Variants in LCORL observed in about 807,000 individuals in gnomAD.
LCORL encodes the protein ligand dependent nuclear receptor corepressor like.
LCORL carries 41 observed loss-of-function variants against 141.8 expected under a neutral mutation model. The ratio of observed to expected loss-of-function variants is 0.29; its 90% CI spans 0.23 to 0.38. The LOEUF is 0.38. LCORL is among the 10% of genes least tolerant of loss of function. The pLI is 1.00. For missense variants in LCORL, 1,759 were observed against 2,035.0 expected (o/e 0.86, Z 2.61); for synonymous variants, 618 against 694.1 (o/e 0.89, Z 1.72).
At chr4:17,988,308 T>C (rs1046247664) in intron 1 of LCORL, among the ~76,000 whole-genome samples, 8 of 152,128 alleles carry the variant, frequency 5.3e-5, no homozygotes, top group Non-Finnish European at 1.2e-4. Flanking sequence ...CAGGGTCTCA[T>C]TCTGGAATTC....
intron 4 of LCORL, among the ~76,000 whole-genome samples, chr4:17,914,650 C>G (rs189557364): frequency 6.6e-6 from 1 of 152,236 alleles, no homozygotes; most frequent in African/African-American, 2.4e-5. Context: ...TACAAAAAAG[C>G]AAATAACTGA....
chr4:17,936,252 G>A (rs1456825697), intron 4 of LCORL, among the ~76,000 whole-genome samples: 3 of 151,292 alleles, frequency 2.0e-5, no homozygotes, highest in Non-Finnish European at 4.4e-5. Flanking sequence ...GACTTCTTAA[G>A]GCTTTTTGAA....
At chr4:18,008,478 GGAT>G (rs1164028912) in intron 1 of LCORL, among the ~76,000 whole-genome samples, 2 of 152,192 alleles carry the variant, frequency 1.3e-5, no homozygotes, top group Non-Finnish European at 2.9e-5. Flanking sequence ...TGACCAGAAA[GGAT>G]GAGACTTGCT....
chr4:18,019,028 C>T (rs899372532), intron 1 of LCORL, among the ~76,000 whole-genome samples: 1 of 152,146 alleles, frequency 6.6e-6, no homozygotes, highest in South Asian at 2.1e-4. Flanking sequence ...TCCCAATTCA[C>T]ACTATAAATA....
intron 4 of LCORL, among the ~76,000 whole-genome samples, chr4:17,954,367 T>C (rs1212381561): frequency 1.3e-5 from 2 of 152,108 alleles, no homozygotes; most frequent in African/African-American, 2.4e-5. Context: ...GAAAATAAGG[T>C]TAGCTCATTT....
At chr4:17,982,146 A>C (rs867599501) in intron 1 of LCORL, among the ~76,000 whole-genome samples, 2 of 109,842 alleles carry the variant, frequency 1.8e-5, no homozygotes, top group Non-Finnish European at 3.8e-5. Flanking sequence ...GTGTGTGTGT[A>C]TACAAGATAT....
intron 5 of LCORL, among the ~76,000 whole-genome samples, chr4:17,902,312 T>G (rs1202744079): frequency 6.6e-6 from 1 of 152,116 alleles, no homozygotes; most frequent in Non-Finnish European, 1.5e-5. Flanking sequence ...CTTCTATCCC[T>G]GCAGTCAGAG....
intron 5 of LCORL, among the ~76,000 whole-genome samples, chr4:17,901,678 C>T (rs1415296894): frequency 1.3e-5 from 2 of 151,948 alleles, no homozygotes; most frequent in East Asian, 3.9e-4. Context: ...CCTTTAAAAC[C>T]TTCTAAGGTA....
exon 7 of LCORL, chr4:17,876,442 A>C: frequency 1.6e-6 from 2 of 1,230,744 alleles, no homozygotes; most frequent in Non-Finnish European, 2.0e-6. Flanking sequence ...TTATTCCAGG[A>C]TTTTTTGGCT....
At chr4:17,934,747 C>G (rs1206372857) in intron 4 of LCORL, among the ~76,000 whole-genome samples, 1 of 152,166 alleles carries the variant, frequency 6.6e-6, no homozygotes, top group Non-Finnish European at 1.5e-5. Flanking sequence ...TTCCAATTCA[C>G]ATTTTGACAA....
intron 2 of LCORL, among the ~76,000 whole-genome samples, chr4:17,971,942 C>T (rs1393828664): frequency 6.6e-6 from 1 of 151,584 alleles, no homozygotes; most frequent in East Asian, 1.9e-4. Flanking sequence ...AAAATCAAAG[C>T]AGGTCACGCC....
intron 2 of LCORL, among the ~76,000 whole-genome samples, chr4:17,964,056 C>A (rs1714377315): frequency 6.6e-6 from 1 of 152,004 alleles, no homozygotes; most frequent in Admixed American, 6.6e-5. Context: ...AGCTAGGACT[C>A]CCCTAAATCA....
intron 1 of LCORL, among the ~76,000 whole-genome samples, chr4:18,013,703 T>G (rs1428969122): frequency 6.6e-6 from 1 of 152,218 alleles, no homozygotes; most frequent in Admixed American, 6.5e-5. Context: ...ACGTCCTATG[T>G]GCACACCTTG....
intron 4 of LCORL, among the ~76,000 whole-genome samples, chr4:17,943,650 A>G (rs1470570294): frequency 1.3e-5 from 2 of 152,324 alleles, no homozygotes; most frequent in Non-Finnish European, 2.9e-5. Context: ...AATCAAGGAT[A>G]AAGTAAGTGG....
At position 17,972,889 on chromosome 4, in the gene LCORL, T is replaced by C; in HGVS notation, c.155-4A>G. ...CCTTCTAAAATACTCTCAAAACCTG[T>C]GTTTTTAGAGAGAGAAAAGTATATT... On this transcript the variant is annotated splice_region_variant and splice_polypyrimidine_tract_variant and intron_variant, in intron 1 of 7. Coordinates refer to ENST00000635767, the Ensembl canonical transcript of LCORL. 6.5e-6 allele frequency: 9 copies of C among 1,380,286 alleles called. No individual in the cohort carries two copies. Among genetic ancestry groups the C allele is most frequent in the Non-Finnish European group, 8.6e-6 (9 of 1,050,688 alleles). The allele number at this position is 1,380,286 out of a possible 1,614,324, so 85.5% of individuals were successfully genotyped here. A position where few individuals can be genotyped will look rare whatever the true frequency, so the allele number is the denominator to read the frequency against.
chr4:18,021,565 G>A lies in LCORL; in HGVS notation c.154+33C>T. 1 of 1,500,320 alleles carries A rather than the reference G, an allele frequency of 6.7e-7. No individual in the cohort carries two copies. The highest frequency in any genetic ancestry group is 8.9e-7 in the Non-Finnish European group (1 of 1,124,670). 92.9% of individuals were successfully genotyped at this position (1,500,320 alleles called of 1,614,324 possible). On this transcript the variant is annotated intron_variant, in intron 1 of 7. Coordinates refer to ENST00000635767, the Ensembl canonical transcript of LCORL. This position sits in a 1 kb window ranked among gnomAD's most constrained non-coding sequence, Gnocchi z 5.5. ...CGGGCTGCGACAGCGGTCGCCGCGC[G>A]GAGCCCGGGGCCCCGGCCCGCGTCT...
exon 8 of LCORL, chr4:17,842,396 TAG>T: frequency 6.2e-7 from 1 of 1,600,864 alleles, no homozygotes; most frequent in South Asian, 1.1e-5. Context: ...CATGCATGTC[TAG>T]AATATATGGA....
intron 1 of LCORL, among the ~76,000 whole-genome samples, chr4:18,010,252 T>TA (rs1723488511): frequency 6.6e-6 from 1 of 152,138 alleles, no homozygotes; most frequent in Non-Finnish European, 1.5e-5. Context: ...TTAAGTATCT[T>TA]ACATAGGCCT....
At chr4:17,976,249 A>G (rs904245374) in intron 1 of LCORL, among the ~76,000 whole-genome samples, 1 of 152,160 alleles carries the variant, frequency 6.6e-6, no homozygotes, top group Non-Finnish European at 1.5e-5. Context: ...TTAGACCATT[A>G]AAATTGAATG....
Sources: allele counts gnomAD v4.1 joint callset (sites outside exome capture counted in the v4.1 genomes callset), GRCh38; gene constraint gnomAD v4.1.1; non-coding constraint Gnocchi (gnomAD v3.1); transcripts MANE v1.5; gene names NCBI Gene and HGNC (gene_info 2026-07-23, HGNC 2026-07-21).